The following KCNH1 variants were observed in gnomAD, a reference collection of about 807,000 sequenced individuals.
The protein encoded by KCNH1 is potassium voltage-gated channel subfamily H member 1.
A neutral mutation model predicts 69.2 loss-of-function variants in KCNH1; 27 were observed. That is an observed-to-expected ratio of 0.39 (90% CI 0.29 to 0.54). KCNH1 has a LOEUF of 0.54. Ranked by LOEUF, KCNH1 falls within the 20% of genes least tolerant of loss-of-function variation. The probability of loss-of-function intolerance (pLI) is 0.68; values close to 1 mark genes in which losing one functional copy is unlikely to be tolerated. For synonymous variants in KCNH1, 456 were observed against 487.7 expected (o/e 0.93, Z 0.86); for missense variants, 798 against 1,261.6 (o/e 0.63, Z 5.57).
At chr1:210,731,178 C>T (rs1270503800) in intron 10 of KCNH1, among the ~76,000 whole-genome samples, 3 of 152,202 alleles carry the variant, frequency 2.0e-5, no homozygotes. Flanking sequence ...ATTTCTGGCT[C>T]TCCCATCACC....
At chr1:210,984,749 T>TA (rs1181678200) in intron 6 of KCNH1, among the ~76,000 whole-genome samples, 2 of 151,928 alleles carry the variant, frequency 1.3e-5, no homozygotes, top group Non-Finnish European at 2.9e-5. Flanking sequence ...AATTCTCTTT[T>TA]TTTGTTGTGT....
intron 5 of KCNH1, among the ~76,000 whole-genome samples, chr1:211,080,129 T>A (rs1454410360): frequency 2.0e-5 from 3 of 152,104 alleles, no homozygotes; most frequent in Non-Finnish European, 4.4e-5. Flanking sequence ...GTCTCAGGAT[T>A]CAAAATCAAT....
chr1:210,728,926 G>A (rs540185943), intron 10 of KCNH1, among the ~76,000 whole-genome samples: 3 of 152,306 alleles, frequency 2.0e-5, no homozygotes, highest in Admixed American at 1.3e-4. Context: ...AGTAGGGCCC[G>A]AATTGCCTGG....
intron 4 of KCNH1, among the ~76,000 whole-genome samples, chr1:211,090,121 T>C (rs1054018563): frequency 1.3e-5 from 2 of 152,220 alleles, no homozygotes; most frequent in African/African-American, 4.8e-5. Context: ...CAACCACAGA[T>C]GCAAAGATGT....
chr1:211,133,866 C>A lies in KCNH1; in HGVS notation c.79+1G>T, dbSNP rs773679697. 6.2e-7 allele frequency: 1 copy of A among 1,609,578 alleles called. No individual in the cohort carries two copies. The highest frequency in any genetic ancestry group is 8.5e-7 in the Non-Finnish European group (1 of 1,178,076). On this transcript the variant is annotated splice_donor_variant, in intron 1 of 10. Coordinates refer to ENST00000271751, the MANE Select transcript of KCNH1 (RefSeq NM_172362.3). LOFTEE classifies it high-confidence loss of function. The surrounding 1 kb of genome is among the most constrained non-coding windows in gnomAD (Gnocchi z 5.4). ...AATCGAAATCCGAATGCACCTCTTA[C>A]CATTGGACCGCCGAACAATATTCTC...
chr1:210,781,632 A>G (rs1017071239), intron 9 of KCNH1, among the ~76,000 whole-genome samples: 1 of 152,138 alleles, frequency 6.6e-6, no homozygotes, highest in Admixed American at 6.5e-5. Context: ...ACTGAACTAG[A>G]TCATTCAGGG....
At chr1:211,128,577 T>C (rs1051570537) in intron 1 of KCNH1, among the ~76,000 whole-genome samples, 1 of 151,782 alleles carries the variant, frequency 6.6e-6, no homozygotes. Context: ...TGGGGGCTTC[T>C]AGAGGTCTGG....
intron 9 of KCNH1, among the ~76,000 whole-genome samples, chr1:210,787,055 C>T (rs1684118127): frequency 6.6e-6 from 1 of 152,148 alleles, no homozygotes; most frequent in Non-Finnish European, 1.5e-5. Context: ...TTAAAATCCT[C>T]ACTGGCTCTC....
At chr1:210,982,974 C>A (rs998004677) in intron 6 of KCNH1, among the ~76,000 whole-genome samples, 1 of 152,058 alleles carries the variant, frequency 6.6e-6, no homozygotes, top group Non-Finnish European at 1.5e-5. Context: ...AACTGGTGTG[C>A]GATAGTAACT....
chr1:210,698,564 C>A (rs533108085), intron 10 of KCNH1, among the ~76,000 whole-genome samples: 107 of 152,310 alleles, frequency 7.0e-4, no homozygotes, highest in South Asian at 1.7e-3. Context: ...GGGCATAGAG[C>A]CATCAAAATG....
intron 5 of KCNH1, among the ~76,000 whole-genome samples, chr1:211,020,290 A>T (rs1689566089): frequency 6.6e-6 from 1 of 152,024 alleles, no homozygotes; most frequent in South Asian, 2.1e-4. Context: ...TTCAAGATGA[A>T]AAAGGAAATA....
At chr1:211,033,568 G>A (rs575158392) in intron 5 of KCNH1, among the ~76,000 whole-genome samples, 27 of 152,268 alleles carry the variant, frequency 1.8e-4, no homozygotes, top group East Asian at 9.6e-4. Flanking sequence ...TATACACCAC[G>A]GAATACTATG....
chr1:210,853,429 G>C (rs983665645), intron 7 of KCNH1, among the ~76,000 whole-genome samples: 5 of 152,188 alleles, frequency 3.3e-5, no homozygotes, highest in Admixed American at 2.0e-4. Flanking sequence ...TAAACAGAGA[G>C]AGCTGGAGCT....
chr1:211,057,754 G>A (rs1690340139), intron 5 of KCNH1, among the ~76,000 whole-genome samples: 1 of 151,958 alleles, frequency 6.6e-6, no homozygotes, highest in East Asian at 1.9e-4. Flanking sequence ...AAAAGTTATT[G>A]GCCTTAAAGA....
chr1:210,895,755 TA>T lies in KCNH1; in HGVS notation c.1462+23884del, dbSNP rs36086593. On this transcript the variant is annotated intron_variant, in intron 7 of 10. Coordinates refer to ENST00000271751, the MANE Select transcript of KCNH1 (RefSeq NM_172362.3). The stretch of plus-strand genomic sequence containing the variant: ...TTCAAGCAGGAGATATTTCTCAGAC[TA>T]AAAAAAAAAATACTCTTGGACGTGG... 1.4e-3 allele frequency among the ~76,000 whole-genome samples: 203 copies of T among 146,260 alleles called. 1 individual carries two copies. Among genetic ancestry groups the T allele is most frequent in the African/African-American group, 2.5e-3 (100 of 40,094 alleles).
intron 7 of KCNH1, among the ~76,000 whole-genome samples, chr1:210,863,314 A>G (rs1686021032): frequency 6.6e-6 from 1 of 152,174 alleles, no homozygotes; most frequent in Admixed American, 6.5e-5. Flanking sequence ...AAGACCATCT[A>G]AGTTAGGCTC....
intron 7 of KCNH1, among the ~76,000 whole-genome samples, chr1:210,891,645 A>G (rs1686753339): frequency 1.3e-5 from 2 of 152,202 alleles, no homozygotes; most frequent in South Asian, 4.1e-4. Context: ...CTATTGTGGA[A>G]AACAATGTGG....
Position 211,134,116 on chromosome 1 carries a change from G to A in KCNH1, c.-171C>T. ...TGGCTGCTACCCTCGCGCCCTCTTC[G>A]CGCCTCCCTCCCTGCGGCCCGCCTC... On this transcript the variant is annotated 5_prime_UTR_variant, in exon 1 of 11. Transcript: ENST00000271751. The surrounding 1 kb of genome is among the most constrained non-coding windows in gnomAD (Gnocchi z 5.7). 3.9e-6 allele frequency: 2 copies of A among 511,708 alleles called. No individual in the cohort carries two copies. Among genetic ancestry groups the A allele is most frequent in the Admixed American group, 4.2e-5 (1 of 23,808 alleles). 31.7% of individuals were successfully genotyped at this position (511,708 alleles called of 1,614,324 possible).
Position 210,715,865 on chromosome 1 carries a change from G to C in KCNH1, c.2113-31727C>G, listed in dbSNP as rs554272538. Among the ~76,000 whole-genome samples, 3 of 152,240 alleles carry C rather than the reference G, an allele frequency of 2.0e-5. No individual in the cohort carries two copies. In the East Asian group the frequency reaches 5.8e-4, roughly 29 times the overall value. On this transcript the variant is annotated intron_variant, in intron 10 of 10. Transcript: ENST00000271751. ...CCTCGGTGGAAGGTTTCCTGCCTCA[G>C]TAAGGGCTCTGAGATCAGGGCAACA... is the stretch of plus-strand genomic sequence containing the variant.
Sources: gnomAD v4.1 joint callset for allele counts (sites outside exome capture counted in the v4.1 genomes callset) on GRCh38, gnomAD v4.1.1 for gene constraint, Gnocchi (gnomAD v3.1) non-coding constraint, MANE v1.5 for transcripts, NCBI Gene and HGNC (gene_info 2026-07-23, HGNC 2026-07-21) for gene names.